Variants in KSR2 observed in about 807,000 individuals in gnomAD.
The protein encoded by KSR2 is kinase suppressor of ras 2.
In KSR2, 25 loss-of-function variants were observed where a neutral mutation model predicts 107.8. The observed-to-expected ratio is 0.23, with a 90% CI of 0.17 to 0.32. The LOEUF is 0.32. Among genes scored for constraint, KSR2 ranks in the 10% least tolerant of loss-of-function variants. KSR2 has a pLI of 1.00. For missense variants in KSR2, 887 were observed against 1,268.9 expected, an observed-to-expected ratio of 0.70 and a Z score of 4.57; for synonymous variants, 480 against 507.0, an observed-to-expected ratio of 0.95 and a Z score of 0.71.
chr12:117,488,959 T>C (rs936061071), intron 14 of KSR2, among the ~76,000 whole-genome samples: 1 of 152,346 alleles, frequency 6.6e-6, no homozygotes, highest in Admixed American at 6.5e-5. Context: ...TATATACTTA[T>C]AACAAAATAT....
intron 5 of KSR2, among the ~76,000 whole-genome samples, chr12:117,607,464 G>A (rs1243035604): frequency 2.6e-5 from 4 of 152,136 alleles, no homozygotes; most frequent in Non-Finnish European, 4.4e-5. Flanking sequence ...CCGAACTGCC[G>A]AGTCTGCACT....
At chr12:117,784,988 A>C (rs1333787267) in intron 3 of KSR2, among the ~76,000 whole-genome samples, 1 of 152,224 alleles carries the variant, frequency 6.6e-6, no homozygotes, top group Admixed American at 6.5e-5. Flanking sequence ...AAACAAAACA[A>C]GCAAACCAAA....
intron 9 of KSR2, among the ~76,000 whole-genome samples, chr12:117,544,758 A>G (rs1041916714): frequency 6.6e-6 from 1 of 152,200 alleles, no homozygotes; most frequent in African/African-American, 2.4e-5. Context: ...GATTCTCTAC[A>G]TGGATGATGT....
chr12:117,794,595 ACT>A (rs1440395854), intron 3 of KSR2, among the ~76,000 whole-genome samples: 5 of 150,058 alleles, frequency 3.3e-5, no homozygotes, highest in East Asian at 2.0e-4. Flanking sequence ...CAACATGCAC[ACT>A]CACACCAACA....
chr12:117,487,316 A>G (rs945815087), intron 14 of KSR2, among the ~76,000 whole-genome samples: 3 of 152,224 alleles, frequency 2.0e-5, no homozygotes, highest in African/African-American at 7.2e-5. Context: ...ATAGCCACCC[A>G]TGATCTTTGA....
chr12:117,720,857 A>T (rs1887179416), intron 4 of KSR2, among the ~76,000 whole-genome samples: 1 of 152,188 alleles, frequency 6.6e-6, no homozygotes, highest in Non-Finnish European at 1.5e-5. Context: ...GGAGGAAAGG[A>T]ACACAAAGAA....
chr12:117,576,222 C>T (rs1879276234), intron 7 of KSR2, among the ~76,000 whole-genome samples: 1 of 152,196 alleles, frequency 6.6e-6, no homozygotes, highest in Non-Finnish European at 1.5e-5. Flanking sequence ...TACCTGCCTT[C>T]AAAGCCTCCA....
chr12:117,532,530 C>A (rs1207826132), intron 10 of KSR2, among the ~76,000 whole-genome samples: 1 of 152,208 alleles, frequency 6.6e-6, no homozygotes, highest in African/African-American at 2.4e-5. Flanking sequence ...TGTAAAGCAG[C>A]ATCTTCCCAG....
At chr12:117,525,752 C>A (rs1875098423) in intron 13 of KSR2, among the ~76,000 whole-genome samples, 1 of 152,206 alleles carries the variant, frequency 6.6e-6, no homozygotes, top group Admixed American at 6.5e-5. Context: ...CACATGACAA[C>A]TGCCAACATG....
At chr12:117,738,391 GAC>G (rs1888027014) in intron 4 of KSR2, among the ~76,000 whole-genome samples, 1 of 152,192 alleles carries the variant, frequency 6.6e-6, no homozygotes, top group Non-Finnish European at 1.5e-5. Flanking sequence ...AGAGTGTACT[GAC>G]ACAAACCTAG....
intron 7 of KSR2, among the ~76,000 whole-genome samples, chr12:117,563,665 G>A (rs1442269085): frequency 6.6e-6 from 1 of 152,148 alleles, no homozygotes; most frequent in African/African-American, 2.4e-5. Context: ...TCTACAGCAA[G>A]CCCCTAAGAT....
chr12:117,738,259 T>C (rs4767602), intron 4 of KSR2, among the ~76,000 whole-genome samples: 12,772 of 152,258 alleles, frequency 0.084, 626 homozygotes, highest in Middle Eastern at 0.16. Flanking sequence ...CCACTTCATA[T>C]GGGATAATGT....
intron 9 of KSR2, among the ~76,000 whole-genome samples, chr12:117,541,850 T>C (rs1265581883): frequency 6.6e-6 from 1 of 151,998 alleles, no homozygotes; most frequent in Non-Finnish European, 1.5e-5. Flanking sequence ...GGTCAGTGAG[T>C]CTCTCCTTAT....
intron 1 of KSR2, among the ~76,000 whole-genome samples, chr12:117,939,944 A>AC (rs1895958310): frequency 7.8e-5 from 11 of 140,176 alleles, no homozygotes; most frequent in East Asian, 4.2e-4. Context: ...CCATCTTAAA[A>AC]ACACACACAC....
chr12:117,934,822 T>C (rs1463692479), intron 1 of KSR2, among the ~76,000 whole-genome samples: 2 of 152,106 alleles, frequency 1.3e-5, no homozygotes, highest in African/African-American at 2.4e-5. Flanking sequence ...CTTCTATTTA[T>C]ATTTTAAATT....
chr12:117,490,465 A>T (rs1872690014), intron 14 of KSR2, among the ~76,000 whole-genome samples: 1 of 152,326 alleles, frequency 6.6e-6, no homozygotes, highest in African/African-American at 2.4e-5. Flanking sequence ...GATTCCAAAG[A>T]TGCACATCTC....
At chr12:117,752,019 T>G (rs377234321) in intron 4 of KSR2, among the ~76,000 whole-genome samples, 1 of 152,240 alleles carries the variant, frequency 6.6e-6, no homozygotes, top group Non-Finnish European at 1.5e-5. Flanking sequence ...TGAGTTTAAG[T>G]GCTTATACCT....
At chr12:117,716,843 G>A (rs910690240) in intron 4 of KSR2, among the ~76,000 whole-genome samples, 1 of 152,140 alleles carries the variant, frequency 6.6e-6, no homozygotes, top group Non-Finnish European at 1.5e-5. Flanking sequence ...GAAAGTGCCT[G>A]GGAAAAAAAT....
chr12:117,864,583 T>C (rs1440230508), intron 1 of KSR2, among the ~76,000 whole-genome samples: 2 of 152,128 alleles, frequency 1.3e-5, no homozygotes, highest in African/African-American at 4.8e-5. Context: ...ACAGCAAACA[T>C]TTCCAGTCTC....
Sources: gnomAD v4.1 joint callset for allele counts (sites outside exome capture counted in the v4.1 genomes callset) on GRCh38, gnomAD v4.1.1 for gene constraint, MANE v1.5 for transcripts, NCBI Gene and HGNC (gene_info 2026-07-23, HGNC 2026-07-21) for gene names.